Variants in PLA2R1 observed in about 807,000 individuals in gnomAD.
PLA2R1 encodes the protein phospholipase A2 receptor 1.
A neutral mutation model predicts 195.9 loss-of-function variants in PLA2R1; 158 were observed. The ratio of observed to expected loss-of-function variants is 0.81; its 90% CI spans 0.71 to 0.92. The LOEUF (loss-of-function observed/expected upper bound fraction) is 0.92, where lower values mean the gene tolerates loss of function less well. PLA2R1 is among the 40% of genes least tolerant of loss of function. PLA2R1 has a pLI of 0.00. For missense variants in PLA2R1, 1,626 were observed against 1,764.6 expected (o/e 0.92, Z 1.41); for synonymous variants, 586 against 598.2 (o/e 0.98, Z 0.30).
intron 11 of PLA2R1, among the ~76,000 whole-genome samples, chr2:160,000,381 C>A (rs1691511215): frequency 6.6e-6 from 1 of 152,168 alleles, no homozygotes; most frequent in Middle Eastern, 3.2e-3. Flanking sequence ...ATTCATGCTA[C>A]CTATGTGTTC....
At chr2:159,948,839 G>A (rs1467511121) in intron 25 of PLA2R1, among the ~76,000 whole-genome samples, 1 of 152,170 alleles carries the variant, frequency 6.6e-6, no homozygotes, top group African/African-American at 2.4e-5. Context: ...TTTACTAAAT[G>A]AGAGATTTAA....
intron 1 of PLA2R1, among the ~76,000 whole-genome samples, chr2:160,052,610 T>C (rs979062005): frequency 1.3e-5 from 2 of 152,190 alleles, no homozygotes; most frequent in African/African-American, 4.8e-5. Context: ...CTGTTGAAAA[T>C]ATACCATCTC....
Position 160,046,061 on chromosome 2 carries a change from G to C in PLA2R1, c.110-904C>G, listed in dbSNP as rs1193674244. ...TGCTACCTGACTTAACCCAAGTTGC[G>C]GGCCTGGAAGGCACCTAGTACTCAA... On this transcript the variant is annotated intron_variant, in intron 1 of 29. Coordinates refer to ENST00000283243, the MANE Select transcript of PLA2R1 (RefSeq NM_007366.5). Among the ~76,000 whole-genome samples the C allele has an allele frequency of 2.0e-5, 3 of 152,210 alleles. No individual in the cohort carries two copies. The East Asian group carries it at 5.8e-4, about 29-fold the overall frequency.
intron 26 of PLA2R1, 22 bp from the exon 27 acceptor site, chr2:159,946,939 A>C (rs1171045206): frequency 1.4e-6 from 2 of 1,427,650 alleles, no homozygotes; most frequent in Non-Finnish European, 9.8e-7. Context: ...ACAAGTAGCA[A>C]AGGAATATTT....
the PLA2R1 span, among the ~76,000 whole-genome samples, chr2:159,924,816 C>T: frequency 3.3e-5 from 5 of 151,836 alleles, no homozygotes; most frequent in African/African-American, 7.3e-5. Context: ...TTTTCGCTCC[C>T]AGGAAAAATC....
chr2:159,962,399 T>G (rs935530651), intron 20 of PLA2R1, among the ~76,000 whole-genome samples: 18 of 151,736 alleles, frequency 1.2e-4, no homozygotes, highest in African/African-American at 3.1e-4. Flanking sequence ...TGCTGGAGAG[T>G]ATGTGGAGAA....
intron 11 of PLA2R1, 110 bp from the exon 12 acceptor site, chr2:159,987,468 G>C: frequency 1.4e-6 from 1 of 715,264 alleles, no homozygotes; most frequent in African/African-American, 1.8e-5. Context: ...TAAGCACCCA[G>C]ACAAGAGCAA....
At chr2:159,975,630 A>AT (rs1252750303) in intron 17 of PLA2R1, among the ~76,000 whole-genome samples, 4 of 151,950 alleles carry the variant, frequency 2.6e-5, no homozygotes, top group Admixed American at 1.3e-4. Context: ...TTATCCACTT[A>AT]TTTTTTCTAA....
At chr2:159,980,864 G>T (rs943673410) in intron 13 of PLA2R1, among the ~76,000 whole-genome samples, 7 of 152,196 alleles carry the variant, frequency 4.6e-5, no homozygotes, top group African/African-American at 1.4e-4. Flanking sequence ...TCTCGGATAT[G>T]TCAGCTACTC....
intron 4 of PLA2R1, among the ~76,000 whole-genome samples, chr2:160,032,342 G>A (rs955985956): frequency 1.1e-4 from 16 of 152,314 alleles, no homozygotes; most frequent in African/African-American, 3.4e-4. Flanking sequence ...AGTTTTTAAA[G>A]AGGTGAATGT....
Position 160,022,850 on chromosome 2 carries a change from G to A in PLA2R1, c.1109C>T (p.Ala370Val), listed in dbSNP as rs34916310. ...HIDHEIVEKD[A>V]WKYYATHCEP... ...ACAGTGGGTAGCATAATATTTCCAC[G>A]CATCTTTTTCTTTTTAAACCAACAA... Residue 370 changes from alanine to valine, a missense_variant, in exon 7 of 30, where the codon GCG becomes GTG. Physicochemically the swap from Ala to Val is moderately conservative, Grantham distance 64 (BLOSUM62 0). Transcript: ENST00000283243. 25 of 1,586,096 alleles carry A rather than the reference G, an allele frequency of 1.6e-5. No homozygotes were observed. The highest frequency in any genetic ancestry group is 1.5e-4 in the South Asian group (13 of 87,118).
In PLA2R1 at chr2:160,062,542, G is replaced by C. The variant is rs533670654; in HGVS notation, c.-139C>G. The C allele has an allele frequency of 2.9e-6, 4 of 1,372,924 alleles. No individual in the cohort carries two copies. The highest frequency in any genetic ancestry group is 6.9e-5 in the Admixed American group (2 of 29,160). The allele number at this position is 1,372,924 out of a possible 1,614,324, so 85.0% of individuals were successfully genotyped here. A position where few individuals can be genotyped will look rare whatever the true frequency, so the allele number is the denominator to read the frequency against. On this transcript the variant is annotated 5_prime_UTR_variant, in exon 1 of 30. Transcript: ENST00000283243. Reference sequence around the variant, plus strand: ...CCTCCGCGCCCCACCCCCTCCGGGGGCCTTGCCAGCCCAGAGCCCTGGAGA... The same window carrying C: ...CCTCCGCGCCCCACCCCCTCCGGGGCCCTTGCCAGCCCAGAGCCCTGGAGA...
chr2:159,966,884 GC>G (rs1264756538), intron 20 of PLA2R1, among the ~76,000 whole-genome samples: 1 of 152,100 alleles, frequency 6.6e-6, no homozygotes, highest in Non-Finnish European at 1.5e-5. Context: ...GGGAGACTAG[GC>G]CTTAATTGAA....
intron 10 of PLA2R1, among the ~76,000 whole-genome samples, chr2:160,011,735 C>T (rs148045451): frequency 1.3e-3 from 191 of 152,322 alleles, no homozygotes; most frequent in African/African-American, 4.4e-3. Flanking sequence ...GGACTTCCAA[C>T]CCAAGGTGTT....
chr2:160,060,259 C>A (rs748868824), intron 1 of PLA2R1, among the ~76,000 whole-genome samples: 2 of 152,184 alleles, frequency 1.3e-5, no homozygotes, highest in Non-Finnish European at 2.9e-5. Flanking sequence ...GTACAGTGAA[C>A]ACAGCGGTAA....
intron 28 of PLA2R1, among the ~76,000 whole-genome samples, chr2:159,944,146 G>A (rs901821580): frequency 6.6e-6 from 1 of 152,112 alleles, no homozygotes; most frequent in Non-Finnish European, 1.5e-5. Context: ...ACCCCCTGAC[G>A]TGAGCCCTTT....
chr2:160,047,681 C>G (rs1694957596), intron 1 of PLA2R1, among the ~76,000 whole-genome samples: 1 of 152,176 alleles, frequency 6.6e-6, no homozygotes, highest in African/African-American at 2.4e-5. Context: ...GCATTACCCA[C>G]CTGTAAAGTC....
chr2:159,991,582 T>C (rs1574751459), intron 11 of PLA2R1, among the ~76,000 whole-genome samples: 1 of 151,078 alleles, frequency 6.6e-6, no homozygotes, highest in South Asian at 2.1e-4. Context: ...CATCCAGCAT[T>C]AGATATATCT....
Position 159,937,357 on chromosome 2 carries a change from C to T in PLA2R1, c.*4421G>A, listed in dbSNP as rs1419753097. The T allele has an allele frequency of 1.3e-5, 2 of 152,306 alleles. No homozygotes were observed. Among genetic ancestry groups the T allele is most frequent in the East Asian group, 3.9e-4 (2 of 5,192 alleles). 9.4% of individuals were successfully genotyped at this position (152,306 alleles called of 1,614,324 possible). A position where few individuals can be genotyped will look rare whatever the true frequency, so the allele number is the denominator to read the frequency against. On this transcript the variant is annotated 3_prime_UTR_variant, in exon 30 of 30. Coordinates refer to ENST00000283243, the MANE Select transcript of PLA2R1 (RefSeq NM_007366.5). The stretch of plus-strand genomic sequence containing the variant: ...CTATTAAAATGCCTTTACCCTATTA[C>T]AAGCTTTAATCAGAACACAAGAGCA...
Sources: allele counts gnomAD v4.1 joint callset (sites outside exome capture counted in the v4.1 genomes callset), GRCh38; gene constraint gnomAD v4.1.1; transcripts MANE v1.5; gene names NCBI Gene and HGNC (gene_info 2026-07-23, HGNC 2026-07-21).